Variants in BTRC observed in about 807,000 individuals in gnomAD.
BTRC encodes the protein beta-transducin repeat containing E3 ubiquitin protein ligase.
In BTRC, 42 loss-of-function variants were observed where a neutral mutation model predicts 85.5. That is an observed-to-expected ratio of 0.49 (90% CI 0.38 to 0.64). BTRC has a LOEUF of 0.64. Among genes scored for constraint, BTRC ranks in the 30% least tolerant of loss-of-function variants. The pLI, the probability that BTRC is intolerant of heterozygous loss-of-function variation, is 0.00. For synonymous variants in BTRC, 255 were observed against 263.3 expected (o/e 0.97, Z 0.30); for missense variants, 594 against 743.5 (o/e 0.80, Z 2.34).
chr10:101,436,705 G>A (rs1295534668), intron 2 of BTRC, among the ~76,000 whole-genome samples: 2 of 152,098 alleles, frequency 1.3e-5, no homozygotes, highest in Non-Finnish European at 2.9e-5. Context: ...GCTATCAAGT[G>A]TAACCAGTAA....
chr10:101,431,539 T>C (rs1027499438), intron 2 of BTRC, among the ~76,000 whole-genome samples: 1 of 152,234 alleles, frequency 6.6e-6, no homozygotes, highest in Non-Finnish European at 1.5e-5. Context: ...CTGAGTCTTA[T>C]CTGCGTACCT....
rs1188561028 is a variant in BTRC, at chr10:101,389,119, G to GTTTTTTTTTTTTTTT, written c.48+34906_48+34920dup. Among the ~76,000 whole-genome samples, 17 of 41,554 alleles carry GTTTTTTTTTTTTTTT rather than the reference G, an allele frequency of 4.1e-4. 1 individual carries two copies. The highest frequency in any genetic ancestry group is 7.8e-4 in the South Asian group (1 of 1,284). 27.3% of individuals were successfully genotyped at this position (41,554 alleles called of 152,430 possible). On this transcript the variant is annotated intron_variant, in intron 1 of 14. Transcript: ENST00000370187. ...TGCATAATTGTGATTTTTTGTGTGT[G>GTTTTTTTTTTTTTTT]TTTTTTTTTTTTTTTTTTTTTTTTT... is the stretch of plus-strand genomic sequence containing the variant.
intron 2 of BTRC, among the ~76,000 whole-genome samples, chr10:101,442,296 A>ATGTGTGTGTGTGTGTGTGTGTG (rs139018865): frequency 3.5e-5 from 5 of 141,984 alleles, no homozygotes; most frequent in Non-Finnish European, 7.7e-5. Context: ...CTCTGTGTGT[A>ATGTGTGTGTGTGTGTGTGTGTG]TGTGTGTGTG....
At chr10:101,386,508 C>CAGT (rs539581596) in intron 1 of BTRC, among the ~76,000 whole-genome samples, 83 of 152,308 alleles carry the variant, frequency 5.4e-4, no homozygotes, top group African/African-American at 1.9e-3. Context: ...TTTAGATCAG[C>CAGT]AGTACACTTT....
chr10:101,517,856 A>G (rs1375722212), intron 4 of BTRC, among the ~76,000 whole-genome samples: 3 of 150,664 alleles, frequency 2.0e-5, no homozygotes, highest in Non-Finnish European at 2.9e-5. Context: ...CTCCATAGCT[A>G]CCACTGTGGT....
chr10:101,496,184 A>C (rs1337627176), intron 4 of BTRC, among the ~76,000 whole-genome samples: 1 of 152,182 alleles, frequency 6.6e-6, no homozygotes. Context: ...TCATAACTAC[A>C]AAAAATTATT....
intron 1 of BTRC, among the ~76,000 whole-genome samples, chr10:101,378,186 C>G (rs532697774): frequency 1.3e-5 from 2 of 151,980 alleles, no homozygotes; most frequent in Admixed American, 6.6e-5. Flanking sequence ...TATCTCTTCT[C>G]CTTTGTAGAT....
chr10:101,511,937 T>G (rs2061961975), intron 4 of BTRC, among the ~76,000 whole-genome samples: 1 of 152,206 alleles, frequency 6.6e-6, no homozygotes, highest in South Asian at 2.1e-4. Context: ...AGGCATGAGC[T>G]GCTACCATGC....
chr10:101,457,485 C>A (rs2134158380), intron 2 of BTRC, among the ~76,000 whole-genome samples: 2 of 152,320 alleles, frequency 1.3e-5, no homozygotes, highest in Middle Eastern at 6.8e-3. Context: ...AAAACTATTT[C>A]TAAAAATTTC....
chr10:101,501,458 T>C (rs1275097462), intron 4 of BTRC, among the ~76,000 whole-genome samples: 4 of 152,228 alleles, frequency 2.6e-5, no homozygotes, highest in Admixed American at 1.3e-4. Flanking sequence ...TAAATCTCTT[T>C]AGCATCGTGT....
In BTRC at chr10:101,523,452, T is replaced by C. The variant is rs1226567979; in HGVS notation, c.556+1582T>C. The stretch of plus-strand genomic sequence containing the variant: ...CTATTTCAGGAAAATAGGAGTCTTG[T>C]GTATTCAAAGTTTATTTTAAGAGAA... On this transcript the variant is annotated intron_variant, in intron 5 of 14. Transcript: ENST00000370187. 3.3e-5 allele frequency among the ~76,000 whole-genome samples: 5 copies of C among 152,166 alleles called. No homozygotes were observed. The East Asian group carries it at 9.6e-4, about 29-fold the overall frequency.
intron 13 of BTRC, among the ~76,000 whole-genome samples, chr10:101,549,169 C>A (rs2062606108): frequency 6.6e-6 from 1 of 150,872 alleles, no homozygotes; most frequent in South Asian, 2.1e-4. Context: ...GCACAGTGGC[C>A]CACACCTATA....
At chr10:101,368,926 C>T (rs1228436737) in intron 1 of BTRC, among the ~76,000 whole-genome samples, 1 of 151,976 alleles carries the variant, frequency 6.6e-6, no homozygotes, top group African/African-American at 2.4e-5. Flanking sequence ...GGCTGACGCA[C>T]GAGAATCGCT....
intron 2 of BTRC, among the ~76,000 whole-genome samples, chr10:101,450,878 G>T (rs1944940731): frequency 1.3e-5 from 2 of 152,036 alleles, no homozygotes; most frequent in South Asian, 2.1e-4. Flanking sequence ...GTGTAAATTC[G>T]CAGACCTAGC....
intron 1 of BTRC, among the ~76,000 whole-genome samples, chr10:101,411,700 T>G (rs928572740): frequency 6.9e-6 from 1 of 145,874 alleles, no homozygotes; most frequent in Non-Finnish European, 1.5e-5. Flanking sequence ...TTAGGTCTGC[T>G]AATTTCATTG....
In BTRC at chr10:101,549,052, C is replaced by CA. The variant is rs1319987974; in HGVS notation, c.1657-1635dup. 1.3e-3 allele frequency among the ~76,000 whole-genome samples: 158 copies of CA among 118,008 alleles called. No individual in the cohort carries two copies. The Middle Eastern group carries it at 0.013, about 10-fold the overall frequency. The allele number at this position is 118,008 out of a possible 152,430, so 77.4% of individuals were successfully genotyped here. On this transcript the variant is annotated intron_variant, in intron 13 of 14. Coordinates refer to ENST00000370187, the MANE Select transcript of BTRC (RefSeq NM_033637.4). ...TGGGCGACAGAGCGAGACTCTGTCT[C>CA]AAAAAAAAAAAAGCCAGACACAAAA...
chr10:101,382,811 T>G (rs1942969443), intron 1 of BTRC, among the ~76,000 whole-genome samples: 1 of 152,190 alleles, frequency 6.6e-6, no homozygotes, highest in Non-Finnish European at 1.5e-5. Flanking sequence ...TCTTTCTCAA[T>G]TTTGAAATGG....
chr10:101,375,482 T>C (rs75124119), intron 1 of BTRC, among the ~76,000 whole-genome samples: 4,920 of 152,262 alleles, frequency 0.032, 94 homozygotes, highest in East Asian at 0.095. Context: ...GGCATTTCTT[T>C]ATAGCAGTGC....
At chr10:101,360,059 A>T (rs1414113925) in intron 1 of BTRC, among the ~76,000 whole-genome samples, 20 of 136,430 alleles carry the variant, frequency 1.5e-4, no homozygotes, top group Non-Finnish European at 2.8e-4. Context: ...TCTTTTTTTT[A>T]AAAAAACTTA....
Sources: gnomAD v4.1 joint callset for allele counts (sites outside exome capture counted in the v4.1 genomes callset) on GRCh38, gnomAD v4.1.1 for gene constraint, MANE v1.5 for transcripts, NCBI Gene and HGNC (gene_info 2026-07-23, HGNC 2026-07-21) for gene names.